The following MYBPC1 variants were observed in gnomAD, a reference collection of about 807,000 sequenced individuals.
MYBPC1 encodes myosin binding protein C1, also known as myosin-binding protein C, slow-type.
Under a neutral mutation model 147.1 loss-of-function variants are expected in MYBPC1, and 52 were observed. The observed-to-expected ratio is 0.35, with a 90% CI of 0.28 to 0.45. MYBPC1 has a LOEUF of 0.45. Among genes scored for constraint, MYBPC1 ranks in the 20% least tolerant of loss-of-function variants. MYBPC1 has a pLI of 1.00. For synonymous variants in MYBPC1, 477 were observed against 475.9 expected, an observed-to-expected ratio of 1.00 and a Z score of -0.03; for missense variants, 1,228 against 1,440.3, an observed-to-expected ratio of 0.85 and a Z score of 2.39.
intron 3 of MYBPC1, among the ~76,000 whole-genome samples, chr12:101,618,854 CGTGTGTGTGTGTGTGT>C (rs35811344): frequency 2.3e-4 from 32 of 136,884 alleles, no homozygotes; most frequent in Non-Finnish European, 3.8e-4. Context: ...CAAAAACTGC[CGTGTGTGTGTGTGTGT>C]GTGTGTGTGT....
chr12:101,682,624 AC>A lies in MYBPC1; in HGVS notation c.3458del (p.Pro1153LeufsTer43). ...TGCAGTGATATATCAAGGAGTAAAT[AC>A]CCCTGGACAACCAGTCTTCCTGGAG... ...EVKVIYQGVN[T>X]PGQPVFLEGQ... On this transcript the variant is annotated frameshift_variant, in exon 30 of 32. Transcript: ENST00000361466. LOFTEE classifies it high-confidence loss of function. 6.2e-7 allele frequency: 1 copy of A among 1,613,078 alleles called. No individual in the cohort carries two copies. The highest frequency in any genetic ancestry group is 8.5e-7 in the Non-Finnish European group (1 of 1,179,162).
chr12:101,651,266 C>G lies in MYBPC1; in HGVS notation c.1399C>G (p.Gln467Glu), dbSNP rs146314887. 1.1e-4 allele frequency: 174 copies of G among 1,613,924 alleles called. No individual in the cohort carries two copies. The highest frequency in any genetic ancestry group is 1.4e-4 in the Non-Finnish European group (165 of 1,179,982). ...GAAGATTTTGACACCTCTGACTGAT[C>G]AGACTGTAAATCTTGGAAAAGAAAT... ...PLKILTPLTD[Q>E]TVNLGKEICL... The change falls in exon 16 of 32, where the codon CAG becomes GAG. Residue 467 changes from glutamine (Q) to glutamate (E), a missense_variant. This residue lies in a region of MYBPC1 where 1,077 missense variants were observed against 1,314.2 expected (regional missense o/e 0.82). Transcript: ENST00000361466.
chr12:101,614,060 C>T lies in MYBPC1; in HGVS notation c.26-436C>T, dbSNP rs145048018. 5.9e-5 allele frequency among the ~76,000 whole-genome samples: 9 copies of T among 152,264 alleles called. No individual in the cohort carries two copies. In the East Asian group the frequency reaches 1.4e-3, roughly 23 times the overall value. On this transcript the variant is annotated intron_variant, in intron 1 of 31. Transcript: ENST00000361466. Reference sequence around the variant, plus strand: ...ATATGCTCACCATATGCTTGCTACCCATTGTGTTTCACTTCATCCTAACAG... The same window carrying T: ...ATATGCTCACCATATGCTTGCTACCTATTGTGTTTCACTTCATCCTAACAG...
chr12:101,642,889 A>T (rs1183633105), intron 11 of MYBPC1, among the ~76,000 whole-genome samples: 3 of 152,148 alleles, frequency 2.0e-5, no homozygotes. Flanking sequence ...ATTGATTTTT[A>T]CTTAAGCAGA....
chr12:101,643,724 G>A (rs916207277), intron 11 of MYBPC1, among the ~76,000 whole-genome samples: 3 of 151,968 alleles, frequency 2.0e-5, no homozygotes, highest in Non-Finnish European at 4.4e-5. Context: ...CTTTATTTAG[G>A]ACCCTTCAAA....
intron 15 of MYBPC1, 61 bp downstream of exon 15, chr12:101,649,487 C>G (rs825051): frequency 1.3e-5 from 20 of 1,577,452 alleles, no homozygotes; most frequent in Non-Finnish European, 1.7e-5. Flanking sequence ...TGTGTTAATT[C>G]GGTTTCAGAA....
chr12:101,650,459 T>C (rs1894200846), intron 15 of MYBPC1, among the ~76,000 whole-genome samples: 1 of 128,964 alleles, frequency 7.8e-6, no homozygotes, highest in Non-Finnish European at 1.6e-5. Context: ...AAATATGTCC[T>C]TCTTCACATG....
the MYBPC1 span, among the ~76,000 whole-genome samples, chr12:101,694,727 A>G: frequency 0.81 from 122,673 of 151,736 alleles, 49,980 homozygotes; most frequent in African/African-American, 0.92. Context: ...ACGGTATTTT[A>G]TTATGACAAT....
intron 12 of MYBPC1, among the ~76,000 whole-genome samples, chr12:101,646,338 C>A (rs1428114702): frequency 6.6e-6 from 1 of 151,416 alleles, no homozygotes; most frequent in Non-Finnish European, 1.5e-5. Context: ...GATATGATAC[C>A]TAAAGAGCAG....
At chr12:101,603,173 CA>C (rs1288716555) in intron 1 of MYBPC1, among the ~76,000 whole-genome samples, 2 of 150,978 alleles carry the variant, frequency 1.3e-5, no homozygotes, top group African/African-American at 4.8e-5. Flanking sequence ...GGAAAAACCC[CA>C]TCTCTACTAA....
chr12:101,650,992 T>A, intron 15 of MYBPC1: 1 of 506,100 alleles, frequency 2.0e-6, no homozygotes, highest in Non-Finnish European at 3.6e-6. Context: ...ATTTTGTGCA[T>A]TCCTTGCTGG....
intron 10 of MYBPC1, among the ~76,000 whole-genome samples, chr12:101,641,132 A>AG (rs1409513999): frequency 6.6e-6 from 1 of 151,574 alleles, no homozygotes; most frequent in East Asian, 1.9e-4. Flanking sequence ...AAAAAAAAAA[A>AG]AAGAAGGCAC....
At chr12:101,636,566 T>C in intron 9 of MYBPC1, 106 bp from the exon 10 acceptor site, 2 of 889,732 alleles carry the variant, frequency 2.2e-6, no homozygotes, top group South Asian at 1.4e-5. Context: ...ATTTAGTCCT[T>C]GTGTGGCACA....
At chr12:101,659,963 T>A in intron 19 of MYBPC1, 132 bp downstream of exon 19, 1 of 1,217,048 alleles carries the variant, frequency 8.2e-7, no homozygotes, top group Non-Finnish European at 1.2e-6. Flanking sequence ...TTTTCTTGCC[T>A]AGAGGACTTA....
At chr12:101,637,995 A>G (rs1891333993) in intron 10 of MYBPC1, among the ~76,000 whole-genome samples, 1 of 152,180 alleles carries the variant, frequency 6.6e-6, no homozygotes, top group Admixed American at 6.5e-5. Context: ...CATTCTACAG[A>G]TAAGAAACCA....
chr12:101,632,854 C>CAA (rs878903720), intron 8 of MYBPC1, among the ~76,000 whole-genome samples: 1 of 152,252 alleles, frequency 6.6e-6, no homozygotes, highest in East Asian at 1.9e-4. Flanking sequence ...CTCAGCCTCC[C>CAA]AAATAGCTGG....
intron 14 of MYBPC1, among the ~76,000 whole-genome samples, chr12:101,648,670 T>C (rs563958780): frequency 6.6e-6 from 1 of 152,330 alleles, no homozygotes; most frequent in African/African-American, 2.4e-5. Context: ...TAACCCCTAG[T>C]CACTTTATTT....
intron 18 of MYBPC1, among the ~76,000 whole-genome samples, chr12:101,654,963 T>A (rs1182582333): frequency 5.3e-5 from 8 of 152,224 alleles, no homozygotes; most frequent in Non-Finnish European, 1.5e-5. Flanking sequence ...TCAAGATTTA[T>A]ATAGGAATAC....
At chr12:101,601,008 C>T (rs563117326) in intron 1 of MYBPC1, among the ~76,000 whole-genome samples, 2 of 152,270 alleles carry the variant, frequency 1.3e-5, no homozygotes, top group African/African-American at 2.4e-5. Context: ...CAAAGTACTG[C>T]ATCCTGGGGA....
Sources: allele counts gnomAD v4.1 joint callset (sites outside exome capture counted in the v4.1 genomes callset), GRCh38; gene constraint gnomAD v4.1.1; regional missense constraint gnomAD v4.1.1; transcripts MANE v1.5; gene names NCBI Gene and HGNC (gene_info 2026-07-23, HGNC 2026-07-21).